The following PYGL variants were observed in gnomAD, a reference collection of about 807,000 sequenced individuals.
The protein encoded by PYGL is glycogen phosphorylase L.
PYGL carries 90 observed loss-of-function variants against 100.1 expected under a neutral mutation model. The ratio of observed to expected loss-of-function variants is 0.90; its 90% CI spans 0.76 to 1.07. The LOEUF (loss-of-function observed/expected upper bound fraction) is 1.07, where lower values mean the gene tolerates loss of function less well. Among genes scored for constraint, PYGL ranks in the 50% least tolerant of loss-of-function variants. PYGL has a pLI of 0.00. For synonymous variants in PYGL, 373 were observed against 393.0 expected (o/e 0.95, Z 0.60); for missense variants, 1,016 against 1,057.6 (o/e 0.96, Z 0.55).
intron 3 of PYGL, among the ~76,000 whole-genome samples, chr14:50,933,450 C>A (rs1596049102): frequency 1.3e-5 from 2 of 152,218 alleles, no homozygotes; most frequent in East Asian, 3.9e-4. Flanking sequence ...TGGGTGTATG[C>A]AAAATCAGAA....
Position 50,911,863 on chromosome 14 carries a change from T to A in PYGL, c.1836A>T (p.Pro612=). 1.3e-6 allele frequency: 2 copies of A among 1,578,038 alleles called. No homozygotes were observed. The highest frequency in any genetic ancestry group is 1.7e-6 in the Non-Finnish European group (2 of 1,172,310). ...RTVIIGGKAA[P]GYHMAKMIIK... ...TGATCATTTTGGCCATGTGATATCC[T>A]GGGGCAGCCTTTGGGGAAGAAGGTC... The change falls in exon 16 of 20, where the codon CCA becomes CCT. Residue 612 remains proline (P), a synonymous_variant. Coordinates refer to ENST00000216392, the MANE Select transcript of PYGL (RefSeq NM_002863.5).
chr14:50,912,921 T>G, intron 13 of PYGL, 108 bp downstream of exon 13: 1 of 1,042,084 alleles, frequency 9.6e-7, no homozygotes, highest in Non-Finnish European at 1.4e-6. Context: ...GCCACTGCAC[T>G]CCAGCCTGGG....
At chr14:50,927,549 T>A (rs116862303) in intron 4 of PYGL, among the ~76,000 whole-genome samples, 3,475 of 152,284 alleles carry the variant, frequency 0.023, 79 homozygotes, top group East Asian at 0.089. Context: ...GAGGGTACAC[T>A]CTTACATGAG....
chr14:50,912,988 CA>C, intron 13 of PYGL, 40 bp downstream of exon 13: 1 of 1,557,618 alleles, frequency 6.4e-7, no homozygotes, highest in Non-Finnish European at 8.9e-7. Flanking sequence ...TAAACTCTCA[CA>C]GTGAGTGCCC....
rs2050322190 is a variant in PYGL at position 50,905,426 on chromosome 14, A to G, written c.2510T>C (p.Leu837Pro). The change falls in exon 20 of 20, where the codon CTA becomes CCA. Residue 837 changes from leucine (L) to proline (P), a missense_variant. Transcript: ENST00000216392. ...ATTGACTTTGTTAGATTCATTGGAT[A>G]GAGAAATCTTTAGATCTGAAGGTTC... Reference protein sequence around the residue: ...NVEPSDLKISLSNESNKVNGN With the variant: ...NVEPSDLKISPSNESNKVNGN 6.2e-7 allele frequency: 1 copy of G among 1,613,638 alleles called. No homozygotes were observed. Among genetic ancestry groups the G allele is most frequent in the Non-Finnish European group, 8.5e-7 (1 of 1,179,650 alleles).
At position 50,915,887 on chromosome 14, in the gene PYGL, C is replaced by T; in HGVS notation, c.1177G>A (p.Val393Met). The T allele has an allele frequency of 6.2e-7, 1 of 1,614,216 alleles. No homozygotes were observed. The highest frequency in any genetic ancestry group is 8.5e-7 in the Non-Finnish European group (1 of 1,180,022). ...EALERWPVDL[V>M]EKLLPRHLEI... ...AAATGTCGAGGGAGCAGCTTCTCCA[C>T]CAGGTCCACGGGCCAGCGCTCCAGG... The change falls in exon 10 of 20, where the codon GTG (valine) becomes ATG (methionine). Residue 393 changes from valine to methionine, a missense_variant. Coordinates refer to ENST00000216392, the MANE Select transcript of PYGL (RefSeq NM_002863.5).
Position 50,908,267 on chromosome 14 carries a change from T to C in PYGL, c.2379+4A>G. ...TTCTTTATAAATCTTGGCAATTTACTCACCATGTACAGCTGACTCACTTTA... is the reference window on the plus strand; with the variant it reads ...TTCTTTATAAATCTTGGCAATTTACCCACCATGTACAGCTGACTCACTTTA... On this transcript the variant is annotated splice_donor_region_variant and intron_variant, in intron 19 of 19. Transcript: ENST00000216392. 6.3e-7 allele frequency: 1 copy of C among 1,578,738 alleles called. No homozygotes were observed.
chr14:50,942,952 C>A (rs2050714246), intron 1 of PYGL, among the ~76,000 whole-genome samples: 1 of 152,166 alleles, frequency 6.6e-6, no homozygotes, highest in African/African-American at 2.4e-5. Flanking sequence ...TGGTGGAGGC[C>A]TAGGTCTTTG....
At chr14:50,934,327 G>A (rs2050632371) in intron 3 of PYGL, among the ~76,000 whole-genome samples, 1 of 152,114 alleles carries the variant, frequency 6.6e-6, no homozygotes, top group Non-Finnish European at 1.5e-5. Context: ...TCATGCCTCT[G>A]ACCTGGAGTC....
chr14:50,939,454 C>T (rs1043199830), intron 1 of PYGL, among the ~76,000 whole-genome samples: 12 of 152,248 alleles, frequency 7.9e-5, no homozygotes, highest in African/African-American at 2.9e-4. Flanking sequence ...GGAAATTTCT[C>T]TATTGACTTA....
intron 1 of PYGL, 36 bp downstream of exon 1, chr14:50,944,125 G>A: frequency 6.3e-7 from 1 of 1,575,182 alleles, no homozygotes; most frequent in Non-Finnish European, 8.6e-7. Context: ...TCCGACTCCG[G>A]GCTGGACCCC....
rs571380977 is a variant in PYGL, at chr14:50,918,969, TGAG to T, written c.855+1569_855+1571del. ...ACCTATGCCAGGGCTATGGCCAAGTTGAGGAGAAGAATGAATTTGTTATTGTAA... is the reference window on the plus strand; with the variant it reads ...ACCTATGCCAGGGCTATGGCCAAGTTGAGAAGAATGAATTTGTTATTGTAA... On this transcript the variant is annotated intron_variant, in intron 7 of 19. Coordinates refer to ENST00000216392, the MANE Select transcript of PYGL (RefSeq NM_002863.5). Among the ~76,000 whole-genome samples the T allele has an allele frequency of 3.4e-3, 518 of 152,274 alleles. 4 individuals are homozygous for T. Among genetic ancestry groups the T allele is most frequent in the African/African-American group, 0.011 (442 of 41,560 alleles).
intron 3 of PYGL, among the ~76,000 whole-genome samples, chr14:50,934,754 T>C (rs1281843647): frequency 6.6e-6 from 1 of 152,128 alleles, no homozygotes; most frequent in African/African-American, 2.4e-5. Context: ...AATACTAAAC[T>C]GTTCCCTATG....
At chr14:50,912,943 G>C in intron 13 of PYGL, 86 bp downstream of exon 13, 1 of 1,272,508 alleles carries the variant, frequency 7.9e-7, no homozygotes, top group Non-Finnish European at 1.1e-6. Context: ...AACAGAGCGA[G>C]ACTCTGTCTC....
rs1208939202 is a variant in PYGL, at chr14:50,914,726, G to A, written c.1493C>T (p.Pro498Leu). The A allele has an allele frequency of 6.2e-7, 1 of 1,613,780 alleles. No individual in the cohort carries two copies. Among genetic ancestry groups the A allele is most frequent in the East Asian group, 2.2e-5 (1 of 44,884 alleles). ...TPRRWLLLCNPGLAELIAEKI... is the reference protein window; with the variant it reads ...TPRRWLLLCNLGLAELIAEKI... ...CTCTGCTATGAGCTCTGCAAGTCCT[G>A]GGTTGCAGAGTAGGAGCCAGCGCCT... The change falls in exon 12 of 20, where the codon CCA becomes CTA. Residue 498 changes from proline to leucine, a missense_variant. Transcript: ENST00000216392.
chr14:50,908,080 CTGAACTTGGGAAAAGACAAGGTTTTTT>C, intron 19 of PYGL, 164 bp downstream of exon 19: 1 of 485,106 alleles, frequency 2.1e-6, no homozygotes, highest in Non-Finnish European at 3.6e-6. Context: ...CAACCTTGGC[CTGAACTTGGGAAAAGACAAGGTTTTTT>C]TTTTTGTTGT....
intron 1 of PYGL, among the ~76,000 whole-genome samples, chr14:50,939,928 T>C (rs1397721790): frequency 1.3e-5 from 2 of 152,234 alleles, no homozygotes; most frequent in Non-Finnish European, 2.9e-5. Context: ...TTTCCTTTTA[T>C]GAACAATTGA....
intron 3 of PYGL, among the ~76,000 whole-genome samples, chr14:50,934,172 TG>T (rs2050631071): frequency 6.6e-6 from 1 of 152,124 alleles, no homozygotes; most frequent in African/African-American, 2.4e-5. Context: ...AATTATTCCC[TG>T]AAAAAAGCAA....
intron 1 of PYGL, among the ~76,000 whole-genome samples, chr14:50,938,455 G>T (rs113934253): frequency 1.3e-5 from 2 of 152,104 alleles, no homozygotes; most frequent in Non-Finnish European, 2.9e-5. Context: ...CAGGTGATCC[G>T]CCCACCTCGG....
Sources: allele counts gnomAD v4.1 joint callset (sites outside exome capture counted in the v4.1 genomes callset), GRCh38; gene constraint gnomAD v4.1.1; transcripts MANE v1.5; gene names NCBI Gene and HGNC (gene_info 2026-07-23, HGNC 2026-07-21).